The following AGBL3 variants were observed in gnomAD, a reference collection of about 807,000 sequenced individuals.
The protein encoded by AGBL3 is AGBL carboxypeptidase 3, also known as cytosolic carboxypeptidase 3.
In AGBL3, 68 loss-of-function variants were observed where a neutral mutation model predicts 94.5. The observed-to-expected ratio is 0.72, with a 90% CI of 0.59 to 0.88. AGBL3 has a LOEUF of 0.88. AGBL3 is among the 40% of genes least tolerant of loss of function. The pLI is 0.00. For missense variants in AGBL3, 934 were observed against 1,103.8 expected (o/e 0.85, Z 2.18); for synonymous variants, 354 against 370.7 (o/e 0.95, Z 0.52).
chr7:135,108,075 T>C (rs2117101332), intron 15 of AGBL3, among the ~76,000 whole-genome samples: 1 of 152,288 alleles, frequency 6.6e-6, no homozygotes, highest in East Asian at 1.9e-4. Context: ...TAGATTCTTC[T>C]CCATCCCTTT....
chr7:135,069,901 C>CA (rs1337957879), intron 12 of AGBL3, among the ~76,000 whole-genome samples: 15 of 151,900 alleles, frequency 9.9e-5, no homozygotes, highest in African/African-American at 1.5e-4. Flanking sequence ...AATAGAGGCA[C>CA]AAAAAAACCC....
At chr7:135,086,184 T>C (rs1052818990) in intron 15 of AGBL3, among the ~76,000 whole-genome samples, 2 of 152,160 alleles carry the variant, frequency 1.3e-5, no homozygotes, top group African/African-American at 4.8e-5. Flanking sequence ...GCTGGTTTTG[T>C]ATCCAACTTT....
intron 12 of AGBL3, among the ~76,000 whole-genome samples, chr7:135,067,490 A>C (rs1236639862): frequency 6.6e-6 from 1 of 152,190 alleles, no homozygotes; most frequent in African/African-American, 2.4e-5. Context: ...GGCACCCCCC[A>C]GTAGGGGCAG....
At chr7:134,987,808 T>G in intron 1 of AGBL3, 67 bp from the exon 2 acceptor site, 1 of 657,880 alleles carries the variant, frequency 1.5e-6, no homozygotes, top group Non-Finnish European at 2.7e-6. Flanking sequence ...AATATATTTT[T>G]GAGTACTCAT....
chr7:135,110,788 A>T (rs1398512937), intron 15 of AGBL3, among the ~76,000 whole-genome samples: 1 of 152,118 alleles, frequency 6.6e-6, no homozygotes, highest in African/African-American at 2.4e-5. Flanking sequence ...CAGCCTCCCA[A>T]CCACTTTCTT....
intron 15 of AGBL3, among the ~76,000 whole-genome samples, chr7:135,112,180 G>C (rs886506980): frequency 1.3e-5 from 2 of 151,996 alleles, no homozygotes; most frequent in Admixed American, 6.6e-5. Flanking sequence ...CCCTCATTTT[G>C]CCTCCCTTGA....
chr7:135,050,589 G>T (rs1289338829), intron 11 of AGBL3, among the ~76,000 whole-genome samples: 2 of 151,784 alleles, frequency 1.3e-5, no homozygotes, highest in African/African-American at 4.8e-5. Flanking sequence ...TGTGATTGTT[G>T]TATCTTCCTA....
At chr7:135,129,607 C>G (rs1828443397) in intron 16 of AGBL3, 2 of 774,700 alleles carry the variant, frequency 2.6e-6, no homozygotes, top group South Asian at 2.7e-5. Flanking sequence ...AAACATTTCA[C>G]TGATCCTGCT....
At chr7:135,003,132 T>C (rs1309091663) in intron 4 of AGBL3, among the ~76,000 whole-genome samples, 7 of 152,182 alleles carry the variant, frequency 4.6e-5, no homozygotes, top group African/African-American at 1.7e-4. Context: ...AGTGTATTTT[T>C]TGTGATTAAA....
At chr7:135,066,725 G>A (rs1018106708) in intron 12 of AGBL3, among the ~76,000 whole-genome samples, 2 of 152,162 alleles carry the variant, frequency 1.3e-5, no homozygotes, top group African/African-American at 2.4e-5. Context: ...TCTATCAATG[G>A]ATGAATGGAT....
chr7:135,042,176 C>T (rs948912130), intron 8 of AGBL3, among the ~76,000 whole-genome samples: 4 of 152,014 alleles, frequency 2.6e-5, no homozygotes, highest in South Asian at 2.1e-4. Flanking sequence ...AGGTATTTAC[C>T]CTTGAGAAAT....
At chr7:135,087,902 A>C (rs1028213283) in intron 15 of AGBL3, among the ~76,000 whole-genome samples, 7 of 152,144 alleles carry the variant, frequency 4.6e-5, no homozygotes, top group African/African-American at 1.7e-4. Context: ...CTGTCCAGTG[A>C]TGACAGTGAT....
At chr7:135,097,467 A>G (rs530785802) in intron 15 of AGBL3, among the ~76,000 whole-genome samples, 1 of 152,316 alleles carries the variant, frequency 6.6e-6, no homozygotes, top group Non-Finnish European at 1.5e-5. Flanking sequence ...TATTTTGTCC[A>G]AAAACTAACT....
At chr7:135,011,106 CAG>C (rs1359482654) in intron 4 of AGBL3, 1 of 152,006 alleles carries the variant, frequency 6.6e-6, no homozygotes, top group Non-Finnish European at 1.5e-5. Context: ...TGGAATAGAA[CAG>C]AGAGCTTAGA....
intron 4 of AGBL3, among the ~76,000 whole-genome samples, chr7:135,009,367 A>C (rs1812813184): frequency 6.6e-6 from 1 of 152,250 alleles, no homozygotes; most frequent in South Asian, 2.1e-4. Context: ...GAGTGATAGA[A>C]GCCAGACACA....
chr7:135,037,444 T>C lies in AGBL3; in HGVS notation c.1364T>C (p.Leu455Ser), dbSNP rs1816421295. 2 of 1,546,320 alleles carry C rather than the reference T, an allele frequency of 1.3e-6. No homozygotes were observed. The highest frequency in any genetic ancestry group is 2.5e-5 in the East Asian group (1 of 40,520). Reference protein sequence around the residue: ...HRLMEKREVILYCDLHGHSRK... With the variant: ...HRLMEKREVISYCDLHGHSRK... ...CTGATGGAGAAACGAGAGGTTATTT[T>C]ATACTGTGATCTTCATGGCCATAGT... Residue 455 changes from leucine to serine, a missense_variant, in exon 8 of 17, where the codon TTA becomes TCA. Coordinates refer to ENST00000436302, the MANE Select transcript of AGBL3 (RefSeq NM_178563.4).
chr7:135,086,462 T>C (rs1323761466), intron 15 of AGBL3, among the ~76,000 whole-genome samples: 1 of 152,076 alleles, frequency 6.6e-6, no homozygotes, highest in Non-Finnish European at 1.5e-5. Context: ...TTGTCTTGTA[T>C]GGCCTTTACT....
At chr7:135,133,972 T>C (rs6952469) in intron 16 of AGBL3, among the ~76,000 whole-genome samples, 73,650 of 151,700 alleles carry the variant, frequency 0.49, 18,232 homozygotes, top group South Asian at 0.66. Flanking sequence ...AAGCTGATCC[T>C]AGAAGGTTAC....
intron 15 of AGBL3, among the ~76,000 whole-genome samples, chr7:135,090,799 T>C (rs888405305): frequency 1.3e-5 from 2 of 152,262 alleles, no homozygotes; most frequent in Middle Eastern, 3.4e-3. Context: ...ACAGCTTCAG[T>C]TGAGTTTCAG....
Sources: gnomAD v4.1 joint callset for allele counts (sites outside exome capture counted in the v4.1 genomes callset) on GRCh38, gnomAD v4.1.1 for gene constraint, MANE v1.5 for transcripts, NCBI Gene and HGNC (gene_info 2026-07-23, HGNC 2026-07-21) for gene names.